GSG1L: variants seen among roughly 807,000 people sequenced by gnomAD.
GSG1L encodes the protein GSG1 like.
Under a neutral mutation model 42.1 loss-of-function variants are expected in GSG1L, and 24 were observed. The observed-to-expected ratio is 0.57, with a 90% CI of 0.41 to 0.80. The LOEUF (loss-of-function observed/expected upper bound fraction) is 0.80. Among genes scored for constraint, GSG1L ranks in the 30% least tolerant of loss-of-function variants. GSG1L has a pLI of 0.00. For missense variants in GSG1L, 445 were observed against 472.2 expected (o/e 0.94, Z 0.53); for synonymous variants, 215 against 203.5 (o/e 1.06, Z -0.48).
intron 2 of GSG1L, among the ~76,000 whole-genome samples, chr16:27,910,600 T>C (rs2141051749): frequency 6.6e-6 from 1 of 152,362 alleles, no homozygotes; most frequent in South Asian, 2.1e-4. Context: ...CCATGGATGA[T>C]GAACTGCATG....
chr16:27,866,720 C>CTCAGTA (rs2083730922), intron 3 of GSG1L, among the ~76,000 whole-genome samples: 1 of 152,144 alleles, frequency 6.6e-6, no homozygotes, highest in Non-Finnish European at 1.5e-5. Flanking sequence ...TACAGACTTG[C>CTCAGTA]ACCACCATGC....
intron 1 of GSG1L, among the ~76,000 whole-genome samples, chr16:27,974,574 G>A (rs1449459171): frequency 6.6e-6 from 1 of 152,226 alleles, no homozygotes; most frequent in Non-Finnish European, 1.5e-5. Context: ...TAGAAGAAGT[G>A]AGAGTGCCTG....
intron 2 of GSG1L, among the ~76,000 whole-genome samples, chr16:27,922,725 G>T (rs1001091961): frequency 6.6e-6 from 1 of 152,180 alleles, no homozygotes; most frequent in African/African-American, 2.4e-5. Context: ...ACACAGACAG[G>T]TAGAGCCATC....
intron 3 of GSG1L, among the ~76,000 whole-genome samples, chr16:27,879,379 A>T (rs1476870827): frequency 1.3e-5 from 2 of 152,182 alleles, no homozygotes; most frequent in African/African-American, 4.8e-5. Context: ...CCGAGGAAGG[A>T]GGATTGCTGG....
intron 5 of GSG1L, among the ~76,000 whole-genome samples, chr16:27,814,920 G>A (rs1046224648): frequency 1.3e-5 from 2 of 151,922 alleles, no homozygotes; most frequent in South Asian, 4.2e-4. Flanking sequence ...CTGAAGACAT[G>A]AAGACAGATT....
chr16:28,045,496 GAAACCCTGTCTCTACAAAA>G (rs1436631784), intron 1 of GSG1L, among the ~76,000 whole-genome samples: 1 of 152,050 alleles, frequency 6.6e-6, no homozygotes, highest in Non-Finnish European at 1.5e-5. Flanking sequence ...GCAACATGGT[GAAACCCTGTCTCTACAAAA>G]AATACAAAAA....
At chr16:28,002,241 G>T (rs966635195) in intron 1 of GSG1L, among the ~76,000 whole-genome samples, 4 of 152,150 alleles carry the variant, frequency 2.6e-5, no homozygotes, top group Non-Finnish European at 5.9e-5. Context: ...GGTGAGCGAG[G>T]CTTCTCTGAT....
chr16:28,034,551 CT>C (rs963394213), intron 1 of GSG1L, among the ~76,000 whole-genome samples: 1 of 152,142 alleles, frequency 6.6e-6, no homozygotes, highest in Non-Finnish European at 1.5e-5. Flanking sequence ...TCTGTCTCCT[CT>C]TTTTTTCCCT....
At chr16:27,841,636 A>G (rs79664661) in intron 4 of GSG1L, among the ~76,000 whole-genome samples, 8,728 of 152,242 alleles carry the variant, frequency 0.057, 267 homozygotes, top group East Asian at 0.077. Flanking sequence ...CGAGGCCCCA[A>G]ATGTGAGGGA....
chr16:28,033,723 A>G (rs2085994084), intron 1 of GSG1L, among the ~76,000 whole-genome samples: 1 of 152,226 alleles, frequency 6.6e-6, no homozygotes, highest in Admixed American at 6.5e-5. Flanking sequence ...CAACAACCCA[A>G]GAATTACTCA....
chr16:27,917,123 G>A (rs568897504), intron 2 of GSG1L, among the ~76,000 whole-genome samples: 113 of 152,322 alleles, frequency 7.4e-4, no homozygotes, highest in Middle Eastern at 3.4e-3. Flanking sequence ...GGATTTTAAA[G>A]AAGCCGGTGG....
Position 27,888,518 on chromosome 16 carries a change from T to C in GSG1L, c.398-3880A>G, listed in dbSNP as rs2084077295. Reference sequence around the variant, plus strand: ...TTCTTTCTTTCTTTCTTTCTTTCTTTCTTTCTTTCTTTCTTTCTTTCTTTC... The same window carrying C: ...TTCTTTCTTTCTTTCTTTCTTTCTTCCTTTCTTTCTTTCTTTCTTTCTTTC... On this transcript the variant is annotated intron_variant, in intron 2 of 6. Transcript: ENST00000447459. Among the ~76,000 whole-genome samples the C allele has an allele frequency of 1.0e-4, 2 of 19,412 alleles. 1 individual carries two copies. The highest frequency in any genetic ancestry group is 3.0e-4 in the African/African-American group (2 of 6,704). 12.7% of individuals were successfully genotyped at this position (19,412 alleles called of 152,430 possible).
At chr16:28,055,828 A>G (rs2141199371) in intron 1 of GSG1L, among the ~76,000 whole-genome samples, 1 of 152,136 alleles carries the variant, frequency 6.6e-6, no homozygotes, top group African/African-American at 2.4e-5. Context: ...AGACCAAAAG[A>G]GCTTAACCTG....
intron 1 of GSG1L, among the ~76,000 whole-genome samples, chr16:28,062,446 G>A (rs1037476385): frequency 2.0e-5 from 3 of 152,204 alleles, no homozygotes; most frequent in African/African-American, 7.2e-5. Context: ...CCCAGGAGGG[G>A]GCCAGGATAC....
intron 2 of GSG1L, among the ~76,000 whole-genome samples, chr16:27,947,384 AAAAGAAAGAAAG>A (rs199991139): frequency 0.015 from 2,004 of 130,742 alleles, 29 homozygotes; most frequent in African/African-American, 0.034. Context: ...GAAAGAAAGA[AAAAGAAAGAAAG>A]AAAGAAAGAA....
At chr16:27,879,861 G>C (rs576837260) in intron 3 of GSG1L, among the ~76,000 whole-genome samples, 1 of 148,968 alleles carries the variant, frequency 6.7e-6, no homozygotes, top group Admixed American at 6.7e-5. Flanking sequence ...TTTTTTAATT[G>C]CTTTTTTTTT....
intron 4 of GSG1L, among the ~76,000 whole-genome samples, chr16:27,843,504 T>TTAAAAAAAAAAAAA (rs1357286018): frequency 7.9e-5 from 6 of 75,932 alleles, no homozygotes; most frequent in African/African-American, 2.4e-4. Context: ...AGAGACTCTG[T>TTAAAAAAAAAAAAA]AAAAAAAAAA....
chr16:27,910,244 G>A (rs976080789), intron 2 of GSG1L, among the ~76,000 whole-genome samples: 16 of 151,714 alleles, frequency 1.1e-4, no homozygotes, highest in Non-Finnish European at 5.9e-5. Context: ...TTACAGGCAT[G>A]AGCCACTACA....
intron 1 of GSG1L, among the ~76,000 whole-genome samples, chr16:28,014,218 T>C (rs1393293749): frequency 6.6e-6 from 1 of 152,160 alleles, no homozygotes. Context: ...GAAGATGACA[T>C]TTGCACTAAG....
Sources: allele counts gnomAD v4.1 joint callset (sites outside exome capture counted in the v4.1 genomes callset), GRCh38; gene constraint gnomAD v4.1.1; transcripts MANE v1.5; gene names NCBI Gene and HGNC (gene_info 2026-07-23, HGNC 2026-07-21).